Variants in PLA2G4A observed in about 807,000 individuals in gnomAD.
PLA2G4A encodes cytosolic phospholipase A2.
In PLA2G4A, 40 loss-of-function variants were observed where a neutral mutation model predicts 81.9. The ratio of observed to expected loss-of-function variants is 0.49; its 90% CI spans 0.38 to 0.64. PLA2G4A has a LOEUF of 0.64. Ranked by LOEUF, PLA2G4A falls within the 30% of genes least tolerant of loss-of-function variation. The pLI is 0.00. For synonymous variants in PLA2G4A, 302 were observed against 296.9 expected (o/e 1.02, Z -0.18); for missense variants, 715 against 905.1 (o/e 0.79, Z 2.69).
chr1:186,894,891 A>C (rs1029835147), intron 5 of PLA2G4A, among the ~76,000 whole-genome samples: 3 of 152,234 alleles, frequency 2.0e-5, no homozygotes, highest in African/African-American at 7.2e-5. Context: ...TGTAGTAAGA[A>C]ATGTAAACAA....
chr1:186,949,379 G>GAA lies in PLA2G4A; in HGVS notation c.1265-1276_1265-1275dup, dbSNP rs1242468828. Among the ~76,000 whole-genome samples, 49 of 9,698 alleles carry GAA rather than the reference G, an allele frequency of 5.1e-3. No homozygotes were observed. The South Asian group carries it at 0.17, about 34-fold the overall frequency. 6.4% of individuals were successfully genotyped at this position (9,698 alleles called of 152,430 possible). ...AAGAAAGAGAAAGAAAGAAAAGAAA[G>GAA]AAAGAAAGAAAAAAGAAAAAGAAAG... On this transcript the variant is annotated intron_variant, in intron 12 of 17. Coordinates refer to ENST00000367466, the MANE Select transcript of PLA2G4A (RefSeq NM_024420.3).
rs527593245 is a variant in PLA2G4A, at chr1:186,916,291, A to G, written c.558+4902A>G. 1.1e-4 allele frequency among the ~76,000 whole-genome samples: 17 copies of G among 152,218 alleles called. No homozygotes were observed. The South Asian group carries it at 2.9e-3, about 26-fold the overall frequency. On this transcript the variant is annotated intron_variant, in intron 7 of 17. Transcript: ENST00000367466. ...AAGGGGATTGGTTATCACTAGCTCT[A>G]AGGGGTTACATTGTCCCTTAGTACA...
At chr1:186,860,088 AAAATGAGGAAGAAG>A (rs1412144465) in intron 2 of PLA2G4A, among the ~76,000 whole-genome samples, 1 of 152,136 alleles carries the variant, frequency 6.6e-6, no homozygotes, top group Non-Finnish European at 1.5e-5. Context: ...AAAATCTAGA[AAAATGAGGAAGAAG>A]AAAGCTAGTG....
At chr1:186,835,046 G>T (rs1426207446) in intron 1 of PLA2G4A, among the ~76,000 whole-genome samples, 3 of 152,104 alleles carry the variant, frequency 2.0e-5, no homozygotes, top group African/African-American at 7.2e-5. Flanking sequence ...CTATGATGTG[G>T]TAATAAATAA....
intron 14 of PLA2G4A, among the ~76,000 whole-genome samples, chr1:186,956,567 T>G (rs1656763116): frequency 6.6e-6 from 1 of 152,176 alleles, no homozygotes; most frequent in Admixed American, 6.5e-5. Context: ...CAGGCTGCAG[T>G]GCAGTGGCAC....
chr1:186,967,104 C>T (rs1367679101), intron 15 of PLA2G4A, among the ~76,000 whole-genome samples: 1 of 152,084 alleles, frequency 6.6e-6, no homozygotes, highest in Non-Finnish European at 1.5e-5. Flanking sequence ...AGTGATAGCC[C>T]AGGTCAGGTC....
intron 3 of PLA2G4A, among the ~76,000 whole-genome samples, chr1:186,874,958 C>T (rs1484111855): frequency 6.6e-6 from 1 of 152,010 alleles, no homozygotes; most frequent in African/African-American, 2.4e-5. Flanking sequence ...GTGCCATTTG[C>T]AGTTCTAAGG....
chr1:186,900,616 T>C (rs375831304), intron 5 of PLA2G4A, among the ~76,000 whole-genome samples: 4 of 152,336 alleles, frequency 2.6e-5, no homozygotes, highest in East Asian at 3.9e-4. Context: ...TTTGGGGTTA[T>C]AGTGGCCCAT....
chr1:186,878,832 C>T (rs1200442377), intron 3 of PLA2G4A, among the ~76,000 whole-genome samples: 1 of 151,692 alleles, frequency 6.6e-6, no homozygotes, highest in Admixed American at 6.6e-5. Flanking sequence ...AAACCATATG[C>T]CACTTCTGTA....
intron 8 of PLA2G4A, among the ~76,000 whole-genome samples, chr1:186,935,411 T>A (rs929123503): frequency 1.8e-4 from 10 of 56,170 alleles, no homozygotes; most frequent in Non-Finnish European, 4.0e-4. Context: ...GGTTTTTATT[T>A]TTTTTTTTTT....
chr1:186,895,446 A>C (rs1654300276), intron 5 of PLA2G4A, among the ~76,000 whole-genome samples: 1 of 152,204 alleles, frequency 6.6e-6, no homozygotes, highest in Non-Finnish European at 1.5e-5. Flanking sequence ...CCCCTTTTAA[A>C]GCTATTTCAT....
At chr1:186,870,702 C>T (rs1189551273) in intron 3 of PLA2G4A, 186 bp downstream of exon 3, 2 of 1,481,298 alleles carry the variant, frequency 1.4e-6, no homozygotes, top group South Asian at 2.4e-5. Context: ...TTACCTGGGC[C>T]TTAAATTAGC....
intron 13 of PLA2G4A, among the ~76,000 whole-genome samples, chr1:186,951,308 A>G (rs1479173370): frequency 6.6e-6 from 1 of 152,136 alleles, no homozygotes; most frequent in East Asian, 1.9e-4. Context: ...TATGATAGTC[A>G]GTGATGGACT....
intron 15 of PLA2G4A, among the ~76,000 whole-genome samples, chr1:186,972,212 T>C (rs1433464885): frequency 6.6e-6 from 1 of 152,082 alleles, no homozygotes; most frequent in African/African-American, 2.4e-5. Context: ...ATATAAAGAG[T>C]TCATTATTCT....
chr1:186,856,953 A>G (rs1218211583), intron 2 of PLA2G4A, among the ~76,000 whole-genome samples: 1 of 148,904 alleles, frequency 6.7e-6, no homozygotes, highest in Non-Finnish European at 1.5e-5. Flanking sequence ...TGGTTGGAAC[A>G]CAAAACATTT....
At chr1:186,908,251 T>G (rs1373910109) in intron 6 of PLA2G4A, among the ~76,000 whole-genome samples, 2 of 152,026 alleles carry the variant, frequency 1.3e-5, no homozygotes, top group Non-Finnish European at 2.9e-5. Context: ...TACTCAGAAT[T>G]TTTTGAATTT....
chr1:186,893,918 CAA>C (rs35114616), intron 4 of PLA2G4A, among the ~76,000 whole-genome samples, 178 bp from the exon 5 acceptor site: 107 of 118,232 alleles, frequency 9.0e-4, no homozygotes, highest in East Asian at 1.3e-3. Context: ...GACCCTGTCT[CAA>C]AAAAAAAAAA....
intron 3 of PLA2G4A, among the ~76,000 whole-genome samples, chr1:186,877,315 C>G (rs1653539084): frequency 6.6e-6 from 1 of 151,976 alleles, no homozygotes; most frequent in South Asian, 2.1e-4. Flanking sequence ...GCCTAACACA[C>G]AGTAAGTGCT....
intron 2 of PLA2G4A, among the ~76,000 whole-genome samples, chr1:186,856,183 T>A (rs908015869): frequency 1.3e-5 from 2 of 151,890 alleles, no homozygotes; most frequent in Non-Finnish European, 2.9e-5. Context: ...CAATATTGAG[T>A]CTTCCAATCC....
Sources: gnomAD v4.1 joint callset for allele counts (sites outside exome capture counted in the v4.1 genomes callset) on GRCh38, gnomAD v4.1.1 for gene constraint, MANE v1.5 for transcripts, NCBI Gene and HGNC (gene_info 2026-07-23, HGNC 2026-07-21) for gene names.